The following TCF12 variants were observed in gnomAD, a reference collection of about 807,000 sequenced individuals.
The protein encoded by TCF12 is DNA-binding protein HTF4.
A neutral mutation model predicts 86.0 loss-of-function variants in TCF12; 45 were observed. That is an observed-to-expected ratio of 0.52 (90% confidence interval 0.41 to 0.67). The LOEUF (loss-of-function observed/expected upper bound fraction) is 0.67. TCF12 is among the 30% of genes least tolerant of loss of function. The pLI, the probability that TCF12 is intolerant of heterozygous loss-of-function variation, is 0.00. For synonymous variants in TCF12, 330 were observed against 299.6 expected, an observed-to-expected ratio of 1.10 and a Z score of -1.05; for missense variants, 881 against 859.9, an observed-to-expected ratio of 1.02 and a Z score of -0.31.
chr15:57,272,018 A>G (rs1292687071), intron 18 of TCF12, among the ~76,000 whole-genome samples: 2 of 152,090 alleles, frequency 1.3e-5, no homozygotes, highest in African/African-American at 4.8e-5. Flanking sequence ...TTCTGCTACC[A>G]TAGTTTTGTG....
At chr15:57,059,110 G>GT (rs1490106988) in intron 3 of TCF12, among the ~76,000 whole-genome samples, 29 of 152,134 alleles carry the variant, frequency 1.9e-4, no homozygotes, top group African/African-American at 7.0e-4. Flanking sequence ...AATATGTTAT[G>GT]TTTCCCTTAT....
intron 5 of TCF12, among the ~76,000 whole-genome samples, chr15:57,096,187 C>T (rs1255924996): frequency 6.6e-6 from 1 of 152,098 alleles, no homozygotes; most frequent in East Asian, 1.9e-4. Context: ...TAACTTTGGA[C>T]ACCATTGCGT....
At chr15:57,073,838 T>G (rs2069630288) in intron 4 of TCF12, among the ~76,000 whole-genome samples, 2 of 152,172 alleles carry the variant, frequency 1.3e-5, no homozygotes, top group African/African-American at 4.8e-5. Flanking sequence ...AAGCTCTGCC[T>G]CCTGGGTTCA....
At chr15:57,171,786 A>C (rs1264933661) in intron 6 of TCF12, among the ~76,000 whole-genome samples, 1 of 152,234 alleles carries the variant, frequency 6.6e-6, no homozygotes, top group Non-Finnish European at 1.5e-5. Context: ...TTGATGAAAC[A>C]CAGAGCATAG....
At chr15:57,222,737 T>TG (rs1405304114) in intron 8 of TCF12, among the ~76,000 whole-genome samples, 12 of 142,952 alleles carry the variant, frequency 8.4e-5, no homozygotes, top group African/African-American at 3.0e-4. Context: ...AGAAAAGTTT[T>TG]GGGGGAAAAA....
chr15:57,173,929 A>C (rs2055718457), intron 6 of TCF12, among the ~76,000 whole-genome samples: 1 of 152,064 alleles, frequency 6.6e-6, no homozygotes, highest in Non-Finnish European at 1.5e-5. Flanking sequence ...GCGGGTCTCA[A>C]ACCCCTGACC....
chr15:57,102,718 A>G (rs577391787), intron 5 of TCF12, among the ~76,000 whole-genome samples: 14 of 152,270 alleles, frequency 9.2e-5, no homozygotes, highest in East Asian at 5.8e-4. Flanking sequence ...AATTATTTCT[A>G]AAGTTTCTGG....
intron 4 of TCF12, among the ~76,000 whole-genome samples, chr15:57,078,154 C>A (rs1248954194): frequency 6.6e-6 from 1 of 152,100 alleles, no homozygotes; most frequent in Non-Finnish European, 1.5e-5. Context: ...TTAGGGTATT[C>A]TTTAGCAAAT....
At chr15:56,996,185 G>GT (rs1272433252) in intron 3 of TCF12, among the ~76,000 whole-genome samples, 1 of 152,066 alleles carries the variant, frequency 6.6e-6, no homozygotes, top group East Asian at 1.9e-4. Context: ...ATTCAGTTTG[G>GT]TAGTATTTTG....
chr15:56,967,580 T>C (rs1477684670), intron 3 of TCF12, among the ~76,000 whole-genome samples: 2 of 152,344 alleles, frequency 1.3e-5, no homozygotes, highest in Admixed American at 6.5e-5. Context: ...TGTACTTCTT[T>C]CCTTGCTCTT....
intron 3 of TCF12, among the ~76,000 whole-genome samples, chr15:56,968,051 G>C (rs2140686221): frequency 1.3e-5 from 2 of 152,234 alleles, no homozygotes; most frequent in East Asian, 3.9e-4. Context: ...CCGCCTCCCA[G>C]GTTCAAATGA....
chr15:57,129,791 A>G (rs2051964778), intron 5 of TCF12: 1 of 152,236 alleles, frequency 6.6e-6, no homozygotes, highest in Admixed American at 6.5e-5. Context: ...AGTTTCACAG[A>G]TGAAGAAACT....
chr15:57,151,971 G>A (rs1444168194), intron 5 of TCF12, among the ~76,000 whole-genome samples: 1 of 152,150 alleles, frequency 6.6e-6, no homozygotes, highest in East Asian at 1.9e-4. Flanking sequence ...CCACTCTCAA[G>A]CACAGGTTTA....
At chr15:56,962,167 G>T (rs963048538) in intron 3 of TCF12, among the ~76,000 whole-genome samples, 1 of 151,570 alleles carries the variant, frequency 6.6e-6, no homozygotes, top group East Asian at 1.9e-4. Flanking sequence ...ATGTTTAATG[G>T]TGAATTGTGG....
chr15:57,022,455 C>G (rs1269573810), intron 3 of TCF12, among the ~76,000 whole-genome samples: 1 of 152,180 alleles, frequency 6.6e-6, no homozygotes, highest in Non-Finnish European at 1.5e-5. Context: ...TTTTCTTAAT[C>G]TAGTCTATCA....
intron 4 of TCF12, among the ~76,000 whole-genome samples, chr15:57,085,706 CTT>C (rs1484467547): frequency 2.0e-5 from 3 of 152,298 alleles, no homozygotes; most frequent in African/African-American, 7.2e-5. Flanking sequence ...ACTTTTCTCT[CTT>C]TGAAACTGCA....
chr15:56,937,363 CTT>C (rs538337171), intron 3 of TCF12, among the ~76,000 whole-genome samples: 2 of 144,620 alleles, frequency 1.4e-5, no homozygotes. Context: ...GTTCTAGGAA[CTT>C]TTTTTTTTTT....
intron 8 of TCF12, chr15:57,214,062 A>G (rs866178566): frequency 6.6e-6 from 1 of 152,192 alleles, no homozygotes; most frequent in Admixed American, 6.5e-5. Flanking sequence ...TGTTACTTCA[A>G]GTGGTAAATG....
At chr15:57,104,028 A>C (rs2151187932) in intron 5 of TCF12, among the ~76,000 whole-genome samples, 1 of 152,268 alleles carries the variant, frequency 6.6e-6, no homozygotes, top group Non-Finnish European at 1.5e-5. Context: ...AAACAAAAAA[A>C]CACTTCAAAA....
Sources: gnomAD v4.1 joint callset for allele counts (sites outside exome capture counted in the v4.1 genomes callset) on GRCh38, gnomAD v4.1.1 for gene constraint, MANE v1.5 for transcripts, NCBI Gene and HGNC (gene_info 2026-07-23, HGNC 2026-07-21) for gene names.